SUGCT: variants seen among roughly 807,000 people sequenced by gnomAD.
SUGCT encodes the protein succinyl-CoA:glutarate CoA-transferase.
Under a neutral mutation model 55.0 loss-of-function variants are expected in SUGCT, and 41 were observed. The observed-to-expected ratio is 0.74, with a 90% confidence interval of 0.58 to 0.97. SUGCT has a LOEUF of 0.97. SUGCT is among the 50% of genes least tolerant of loss of function. The probability of loss-of-function intolerance (pLI) is 0.00; values close to 1 mark genes in which losing one functional copy is unlikely to be tolerated. For synonymous variants in SUGCT, 187 were observed against 200.4 expected, an observed-to-expected ratio of 0.93 and a Z score of 0.56; for missense variants, 568 against 547.8, an observed-to-expected ratio of 1.04 and a Z score of -0.37.
intron 9 of SUGCT, among the ~76,000 whole-genome samples, chr7:40,396,558 T>C (rs1298564027): frequency 6.6e-6 from 1 of 152,202 alleles, no homozygotes; most frequent in Non-Finnish European, 1.5e-5. Context: ...TTTTTGCCGA[T>C]TTACTTCCCA....
At chr7:40,599,491 T>A (rs889390483) in intron 12 of SUGCT, among the ~76,000 whole-genome samples, 3 of 152,140 alleles carry the variant, frequency 2.0e-5, no homozygotes, top group African/African-American at 7.2e-5. Flanking sequence ...AAGAATGGAT[T>A]CATTTTATAA....
chr7:40,915,143 T>C, the SUGCT span, among the ~76,000 whole-genome samples: 1 of 152,178 alleles, frequency 6.6e-6, no homozygotes, highest in Non-Finnish European at 1.5e-5. Context: ...ATGACCCACA[T>C]TCTTAAGGTG....
intron 6 of SUGCT, among the ~76,000 whole-genome samples, chr7:40,232,317 A>T (rs1468912044): frequency 6.6e-6 from 1 of 152,194 alleles, no homozygotes; most frequent in Admixed American, 6.5e-5. Context: ...AGTTGTTTTG[A>T]TAATTGAGGT....
At chr7:40,350,808 C>T (rs961045200) in intron 9 of SUGCT, among the ~76,000 whole-genome samples, 6 of 151,242 alleles carry the variant, frequency 4.0e-5, no homozygotes, top group Admixed American at 1.3e-4. Flanking sequence ...CCCCGACAGG[C>T]CCCAGTATGT....
chr7:40,636,850 AT>A (rs1420746802), intron 12 of SUGCT, among the ~76,000 whole-genome samples: 1 of 152,154 alleles, frequency 6.6e-6, no homozygotes, highest in Non-Finnish European at 1.5e-5. Flanking sequence ...TGGTCTTAAA[AT>A]TTTTTAAATG....
chr7:41,028,939 A>G, the SUGCT span, among the ~76,000 whole-genome samples: 9 of 152,210 alleles, frequency 5.9e-5, no homozygotes, highest in Non-Finnish European at 1.0e-4. Flanking sequence ...GGCAGTGTTA[A>G]TTGGAATTCT....
At chr7:40,672,031 C>T (rs960467891) in intron 12 of SUGCT, among the ~76,000 whole-genome samples, 3 of 152,136 alleles carry the variant, frequency 2.0e-5, no homozygotes, top group Admixed American at 2.0e-4. Context: ...TAGATCCCCA[C>T]AAATATACCC....
chr7:40,163,824 A>AT (rs774642100), intron 1 of SUGCT, among the ~76,000 whole-genome samples: 2,193 of 141,266 alleles, frequency 0.016, 20 homozygotes, highest in African/African-American at 0.02. Flanking sequence ...TTTGAATTGA[A>AT]TTTTTTTTTT....
At chr7:40,716,566 C>A (rs935254456) in intron 12 of SUGCT, among the ~76,000 whole-genome samples, 8 of 152,088 alleles carry the variant, frequency 5.3e-5, no homozygotes, top group Admixed American at 1.3e-4. Flanking sequence ...CACAAAAGAA[C>A]TATTCAATAA....
At chr7:40,292,503 G>A (rs1241914430) in intron 8 of SUGCT, among the ~76,000 whole-genome samples, 1 of 152,134 alleles carries the variant, frequency 6.6e-6, no homozygotes, top group East Asian at 1.9e-4. Context: ...AATCATGTAA[G>A]TCATTGAGTC....
chr7:40,323,161 G>T (rs1236381998), intron 9 of SUGCT, among the ~76,000 whole-genome samples: 2 of 151,772 alleles, frequency 1.3e-5, no homozygotes, highest in African/African-American at 2.4e-5. Flanking sequence ...AGTCTTGGTG[G>T]CTGTAAAATC....
intron 13 of SUGCT, among the ~76,000 whole-genome samples, chr7:40,769,590 G>T (rs1233475290): frequency 1.3e-5 from 2 of 152,174 alleles, no homozygotes; most frequent in African/African-American, 4.8e-5. Context: ...GCCAAGAAAT[G>T]CAGGCCATCA....
intron 12 of SUGCT, among the ~76,000 whole-genome samples, chr7:40,631,528 T>C (rs372355812): frequency 2.0e-5 from 3 of 152,332 alleles, no homozygotes; most frequent in East Asian, 1.9e-4. Flanking sequence ...AGTCCTTTCA[T>C]GATCTGAAAT....
intron 7 of SUGCT, among the ~76,000 whole-genome samples, chr7:40,247,043 T>G (rs975368507): frequency 6.6e-6 from 1 of 152,220 alleles, no homozygotes; most frequent in African/African-American, 2.4e-5. Flanking sequence ...AGTTTTTGCC[T>G]TTTGTGAATA....
chr7:40,713,993 G>A (rs748449322), intron 12 of SUGCT, among the ~76,000 whole-genome samples: 6 of 152,154 alleles, frequency 3.9e-5, no homozygotes, highest in Non-Finnish European at 8.8e-5. Flanking sequence ...TAAACTTTAT[G>A]TCAGTTTCCA....
the SUGCT span, among the ~76,000 whole-genome samples, chr7:40,935,006 A>G: frequency 2.0e-5 from 3 of 152,174 alleles, no homozygotes; most frequent in African/African-American, 7.2e-5. Context: ...TTCTGCGTTG[A>G]TCATGCTGGG....
intron 12 of SUGCT, among the ~76,000 whole-genome samples, chr7:40,584,045 G>T (rs562355837): frequency 6.6e-6 from 1 of 152,124 alleles, no homozygotes; most frequent in Non-Finnish European, 1.5e-5. Context: ...CAGGGTTAAG[G>T]CTCTCTCAGT....
At chr7:40,698,143 T>C (rs1785015666) in intron 12 of SUGCT, among the ~76,000 whole-genome samples, 2 of 152,318 alleles carry the variant, frequency 1.3e-5, no homozygotes, top group South Asian at 4.1e-4. Flanking sequence ...GATGGTAAGA[T>C]GGCAGCCTGC....
chr7:40,780,775 CT>C (rs34455435), intron 13 of SUGCT, among the ~76,000 whole-genome samples: 47,607 of 134,544 alleles, frequency 0.35, 6,924 homozygotes, highest in South Asian at 0.57. Flanking sequence ...TCTTCTTCTT[CT>C]TTTTTTTTTT....
Sources: allele counts gnomAD v4.1 joint callset (sites outside exome capture counted in the v4.1 genomes callset), GRCh38; gene constraint gnomAD v4.1.1; transcripts MANE v1.5; gene names NCBI Gene and HGNC (gene_info 2026-07-23, HGNC 2026-07-21).